CNTNAP5: variants seen among roughly 807,000 people sequenced by gnomAD.
The protein encoded by CNTNAP5 is contactin associated protein family member 5.
CNTNAP5 carries 72 observed loss-of-function variants against 150.2 expected under a neutral mutation model. That is an observed-to-expected ratio of 0.48 (90% confidence interval 0.40 to 0.58). The LOEUF (loss-of-function observed/expected upper bound fraction) is 0.58, where lower values mean the gene tolerates loss of function less well. Among genes scored for constraint, CNTNAP5 ranks in the 20% least tolerant of loss-of-function variants. The pLI is 0.00. For synonymous variants in CNTNAP5, 672 were observed against 619.8 expected (o/e 1.08, Z -1.25); for missense variants, 1,636 against 1,626.2 (o/e 1.01, Z -0.10).
chr2:124,070,129 T>C (rs1237572085), intron 1 of CNTNAP5, among the ~76,000 whole-genome samples: 1 of 151,984 alleles, frequency 6.6e-6, no homozygotes, highest in Admixed American at 6.6e-5. Flanking sequence ...AAATCATGGA[T>C]TACAAGATAG....
chr2:124,428,838 G>A (rs1692302059), intron 4 of CNTNAP5, among the ~76,000 whole-genome samples: 1 of 152,086 alleles, frequency 6.6e-6, no homozygotes, highest in Non-Finnish European at 1.5e-5. Context: ...TGTTAGAGAA[G>A]TTGTGATAGA....
intron 11 of CNTNAP5, among the ~76,000 whole-genome samples, chr2:124,588,852 C>G (rs1186887592): frequency 6.6e-6 from 1 of 152,062 alleles, no homozygotes; most frequent in Non-Finnish European, 1.5e-5. Context: ...ACAGTGCTTT[C>G]TTTGCCTTTC....
chr2:124,046,354 A>G (rs1681534187), intron 1 of CNTNAP5, among the ~76,000 whole-genome samples: 2 of 151,876 alleles, frequency 1.3e-5, no homozygotes, highest in African/African-American at 4.8e-5. Context: ...TACAAAGAAT[A>G]CAGATTTTGA....
rs142838469 is a variant in CNTNAP5 at position 124,455,079 on chromosome 2, C to T, written c.918+8142C>T. On this transcript the variant is annotated intron_variant, in intron 6 of 23. Coordinates refer to ENST00000682447, the MANE Select transcript of CNTNAP5 (RefSeq NM_001367498.1). ...AATAAATGAAATTGAAACACACATACGAAAAATACAAAAGATAAATGAAAC... is the reference window on the plus strand; with the variant it reads ...AATAAATGAAATTGAAACACACATATGAAAAATACAAAAGATAAATGAAAC... Among the ~76,000 whole-genome samples, 886 of 151,188 alleles carry T rather than the reference C, an allele frequency of 5.9e-3. 32 individuals are homozygous for T. The highest frequency in any genetic ancestry group is 0.052 in the Admixed American group (783 of 15,178).
chr2:124,251,120 G>C (rs1362366930), intron 3 of CNTNAP5, among the ~76,000 whole-genome samples: 1 of 152,106 alleles, frequency 6.6e-6, no homozygotes, highest in Admixed American at 6.6e-5. Context: ...GTAACCAAAG[G>C]ACCGTTCTGC....
At chr2:124,472,366 T>C (rs1693538107) in intron 6 of CNTNAP5, among the ~76,000 whole-genome samples, 2 of 152,040 alleles carry the variant, frequency 1.3e-5, no homozygotes, top group African/African-American at 2.4e-5. Context: ...GTGTTATGTA[T>C]AGCTGAGAAA....
intron 10 of CNTNAP5, among the ~76,000 whole-genome samples, chr2:124,535,164 CA>C (rs1449977556): frequency 6.6e-6 from 1 of 152,140 alleles, no homozygotes; most frequent in Non-Finnish European, 1.5e-5. Context: ...ATTCCTTCAT[CA>C]TTTCCTCATA....
At chr2:124,701,352 G>A (rs1573556729) in intron 13 of CNTNAP5, among the ~76,000 whole-genome samples, 1 of 152,196 alleles carries the variant, frequency 6.6e-6, no homozygotes, top group East Asian at 1.9e-4. Flanking sequence ...CAAATGGCAA[G>A]ATCTCACTCA....
intron 3 of CNTNAP5, among the ~76,000 whole-genome samples, chr2:124,302,272 T>A (rs1002614628): frequency 2.6e-5 from 4 of 152,210 alleles, no homozygotes. Context: ...AATAAATAAA[T>A]AAATAAGTAA....
At chr2:124,717,145 G>A (rs1023198020) in intron 13 of CNTNAP5, among the ~76,000 whole-genome samples, 2 of 152,134 alleles carry the variant, frequency 1.3e-5, no homozygotes, top group African/African-American at 4.8e-5. Context: ...CCAGAGTAGG[G>A]TGGAAAATTA....
At chr2:124,786,398 A>AGAAAGAAGGAAG (rs1553442119) in intron 17 of CNTNAP5, among the ~76,000 whole-genome samples, 93 of 45,134 alleles carry the variant, frequency 2.1e-3, no homozygotes, top group East Asian at 6.1e-3. Flanking sequence ...AAAGAAAGAA[A>AGAAAGAAGGAAG]GAAGGAAGGA....
chr2:124,230,682 C>T (rs547480762), intron 2 of CNTNAP5, among the ~76,000 whole-genome samples: 1 of 152,006 alleles, frequency 6.6e-6, no homozygotes, highest in African/African-American at 2.4e-5. Context: ...CAGGTGCATG[C>T]CACTGTGCCC....
intron 11 of CNTNAP5, among the ~76,000 whole-genome samples, chr2:124,588,080 C>G (rs1272975084): frequency 1.5e-5 from 2 of 130,892 alleles, no homozygotes; most frequent in Non-Finnish European, 3.2e-5. Context: ...CCTTCCCTTT[C>G]TCTTTCTTTC....
chr2:124,846,161 T>A (rs1211500992), intron 19 of CNTNAP5, among the ~76,000 whole-genome samples: 2 of 152,188 alleles, frequency 1.3e-5, no homozygotes, highest in Non-Finnish European at 2.9e-5. Context: ...AACTTTCCTC[T>A]TAGCACCACT....
intron 1 of CNTNAP5, among the ~76,000 whole-genome samples, chr2:124,049,924 G>A (rs763375261): frequency 9.2e-5 from 14 of 152,250 alleles, no homozygotes; most frequent in South Asian, 4.1e-4. Context: ...TGGAGGGAGC[G>A]AGAAAGCTCT....
At chr2:124,145,320 T>C (rs1436413312) in intron 1 of CNTNAP5, among the ~76,000 whole-genome samples, 18 of 23,724 alleles carry the variant, frequency 7.6e-4, no homozygotes, top group South Asian at 2.8e-3. Flanking sequence ...CTATAAATCA[T>C]GCTGCTATAA....
chr2:124,521,820 C>A (rs1158869448), intron 8 of CNTNAP5, among the ~76,000 whole-genome samples: 1 of 152,132 alleles, frequency 6.6e-6, no homozygotes, highest in African/African-American at 2.4e-5. Context: ...TCCCCAAATA[C>A]CCCTGAAAGA....
At position 124,423,650 on chromosome 2, in the gene CNTNAP5, A is replaced by T. The variant is rs1405726327; in HGVS notation, c.529+6060A>T. Reference sequence around the variant, plus strand: ...CATGAGCCACTGCGCCCGGCTAATTAACTTTTTTTTTTTTTTTTTTTTTTT... The same window carrying T: ...CATGAGCCACTGCGCCCGGCTAATTTACTTTTTTTTTTTTTTTTTTTTTTT... On this transcript the variant is annotated intron_variant, in intron 4 of 23. Transcript: ENST00000682447. Among the ~76,000 whole-genome samples, 4 of 44,654 alleles carry T rather than the reference A, an allele frequency of 9.0e-5. No homozygotes were observed. In the Admixed American group the frequency reaches 1.1e-3, roughly 12 times the overall value. The allele number at this position is 44,654 out of a possible 152,430, so 29.3% of individuals were successfully genotyped here. A position where few individuals can be genotyped will look rare whatever the true frequency, so the allele number is the denominator to read the frequency against.
At chr2:124,030,325 A>G (rs1254514666) in intron 1 of CNTNAP5, among the ~76,000 whole-genome samples, 1 of 152,156 alleles carries the variant, frequency 6.6e-6, no homozygotes, top group Non-Finnish European at 1.5e-5. Context: ...TTGTGTCCAC[A>G]TAAATTACCA....
Sources: allele counts gnomAD v4.1 joint callset (sites outside exome capture counted in the v4.1 genomes callset), GRCh38; gene constraint gnomAD v4.1.1; transcripts MANE v1.5; gene names NCBI Gene and HGNC (gene_info 2026-07-23, HGNC 2026-07-21).